Variants in MGAT5 observed in about 807,000 individuals in gnomAD.
MGAT5 encodes alpha-1,6-mannosylglycoprotein 6-beta-N-acetylglucosaminyltransferase A.
MGAT5 carries 30 observed loss-of-function variants against 94.3 expected under a neutral mutation model. The observed-to-expected ratio is 0.32, with a 90% CI of 0.24 to 0.43. The LOEUF is 0.43. MGAT5 is among the 20% of genes least tolerant of loss of function. The pLI is 1.00. For synonymous variants in MGAT5, 310 were observed against 322.9 expected (o/e 0.96, Z 0.43); for missense variants, 691 against 905.5 (o/e 0.76, Z 3.04).
At chr2:134,131,195 T>A (rs1686144559) in intron 1 of MGAT5, among the ~76,000 whole-genome samples, 1 of 152,120 alleles carries the variant, frequency 6.6e-6, no homozygotes, top group Non-Finnish European at 1.5e-5. Context: ...TCCGAACATG[T>A]CCGAACATCA....
intron 2 of MGAT5, among the ~76,000 whole-genome samples, chr2:134,270,926 G>A (rs910329088): frequency 1.3e-5 from 2 of 152,150 alleles, no homozygotes; most frequent in African/African-American, 4.8e-5. Flanking sequence ...AGTCTGTTAC[G>A]TATAATAGGT....
chr2:134,186,578 A>G (rs1267456075), intron 1 of MGAT5, among the ~76,000 whole-genome samples: 1 of 152,122 alleles, frequency 6.6e-6, no homozygotes, highest in African/African-American at 2.4e-5. Flanking sequence ...GAGCACGTTA[A>G]TTGGAGCAGT....
rs1186490113 is a variant in MGAT5 at position 134,270,464 on chromosome 2, T to C, written c.320T>C (p.Leu107Pro). 6.2e-7 allele frequency: 1 copy of C among 1,614,164 alleles called. No homozygotes were observed. The highest frequency in any genetic ancestry group is 8.5e-7 in the Non-Finnish European group (1 of 1,179,970). ...AAGTTGGAGTCGAAGGTGGACAATC[T>C]TGTTGTCAATGGCACCGGAACAAAC... ...IGKLESKVDN[L>P]VVNGTGTNST... The change falls in exon 2 of 16, where the codon CTT becomes CCT. Residue 107 changes from leucine to proline, a missense_variant. Physicochemically the swap from Leu to Pro is moderately conservative, Grantham distance 98. Coordinates refer to ENST00000281923, the MANE Select transcript of MGAT5 (RefSeq NM_002410.5).
At chr2:134,157,312 A>G (rs1466623224) in intron 1 of MGAT5, among the ~76,000 whole-genome samples, 1 of 152,208 alleles carries the variant, frequency 6.6e-6, no homozygotes, top group Non-Finnish European at 1.5e-5. Flanking sequence ...GGGACTCTGT[A>G]CTATCTTTGC....
chr2:134,156,548 C>G (rs1159149164), intron 1 of MGAT5, among the ~76,000 whole-genome samples: 1 of 152,120 alleles, frequency 6.6e-6, no homozygotes, highest in Non-Finnish European at 1.5e-5. Context: ...AAGCAAGGAT[C>G]CCAGTGGTTT....
rs76018072 is a variant in MGAT5 at position 134,187,278 on chromosome 2, C to T, written c.-142-66984C>T. On this transcript the variant is annotated intron_variant, in intron 1 of 16. Transcript: ENST00000409645. ...GTTTTTACAAGGATCATTCCGCTTGCATGGAGAATTGTCTGTAAGGGGCAA... is the reference window on the plus strand; with the variant it reads ...GTTTTTACAAGGATCATTCCGCTTGTATGGAGAATTGTCTGTAAGGGGCAA... Among the ~76,000 whole-genome samples the T allele has an allele frequency of 5.8e-3, 887 of 152,190 alleles. 14 individuals are homozygous for T. Among genetic ancestry groups the T allele is most frequent in the East Asian group, 0.04 (208 of 5,154 alleles).
rs5834402 is a variant in MGAT5, at chr2:134,182,780, G to GTTT, written c.-143+62511_-143+62513dup. Among the ~76,000 whole-genome samples, 725 of 87,058 alleles carry GTTT rather than the reference G, an allele frequency of 8.3e-3. 3 individuals are homozygous for GTTT. The highest frequency in any genetic ancestry group is 0.011 in the Non-Finnish European group (484 of 46,090). 57.1% of individuals were successfully genotyped at this position (87,058 alleles called of 152,430 possible). A position where few individuals can be genotyped will look rare whatever the true frequency, so the allele number is the denominator to read the frequency against. On this transcript the variant is annotated intron_variant, in intron 1 of 16. Coordinates refer to the MGAT5 transcript ENST00000409645. ...TTATATAGTGCATGTTAGAAGATTA[G>GTTT]TTTTTTTTTTTTTTTTTTTTTTTTG...
chr2:134,239,878 G>A (rs1400396159), intron 1 of MGAT5, among the ~76,000 whole-genome samples: 1 of 152,052 alleles, frequency 6.6e-6, no homozygotes, highest in Non-Finnish European at 1.5e-5. Flanking sequence ...AATGAGTCAG[G>A]AGTGGGATTT....
chr2:134,198,987 C>T (rs2105271762), intron 1 of MGAT5, among the ~76,000 whole-genome samples: 1 of 152,280 alleles, frequency 6.6e-6, no homozygotes, highest in Non-Finnish European at 1.5e-5. Context: ...ATTCTTGTGG[C>T]ACATTGTCTT....
intron 10 of MGAT5, among the ~76,000 whole-genome samples, chr2:134,402,669 G>A (rs1382803545): frequency 6.6e-6 from 1 of 152,160 alleles, no homozygotes; most frequent in Non-Finnish European, 1.5e-5. Flanking sequence ...TACAAAGCAA[G>A]GATGATATTT....
intron 10 of MGAT5, among the ~76,000 whole-genome samples, chr2:134,386,153 C>G (rs1319598185): frequency 2.0e-5 from 3 of 152,114 alleles, no homozygotes; most frequent in African/African-American, 7.2e-5. Flanking sequence ...AATTAGCTTG[C>G]AGTTGGACCA....
chr2:134,384,737 AAG>A (rs1313453196), intron 10 of MGAT5, among the ~76,000 whole-genome samples: 1 of 152,006 alleles, frequency 6.6e-6, no homozygotes, highest in Non-Finnish European at 1.5e-5. Context: ...TGATAAAAGT[AAG>A]GGCCAAACCA....
intron 1 of MGAT5, among the ~76,000 whole-genome samples, chr2:134,159,398 C>T (rs1687628485): frequency 6.6e-6 from 1 of 152,100 alleles, no homozygotes; most frequent in African/African-American, 2.4e-5. Context: ...GACAAGATTG[C>T]TCAGACAGAA....
chr2:134,388,633 A>G (rs949908720), intron 10 of MGAT5, among the ~76,000 whole-genome samples: 3 of 152,176 alleles, frequency 2.0e-5, no homozygotes, highest in Non-Finnish European at 4.4e-5. Context: ...TTGTTATACC[A>G]GGTTATTTAT....
chr2:134,383,687 T>C (rs1681771942), intron 10 of MGAT5, among the ~76,000 whole-genome samples: 1 of 152,092 alleles, frequency 6.6e-6, no homozygotes, highest in South Asian at 2.1e-4. Flanking sequence ...CACCTGTTTT[T>C]GTATAGCCAA....
intron 10 of MGAT5, among the ~76,000 whole-genome samples, chr2:134,366,593 C>G (rs1573930136): frequency 6.6e-6 from 1 of 152,192 alleles, no homozygotes; most frequent in Admixed American, 6.5e-5. Flanking sequence ...CCTCAGGTTC[C>G]TAGCCTGTAA....
intron 1 of MGAT5, among the ~76,000 whole-genome samples, chr2:134,240,561 T>TA (rs1372593717): frequency 6.6e-6 from 1 of 151,972 alleles, no homozygotes; most frequent in Non-Finnish European, 1.5e-5. Flanking sequence ...TACATTATAA[T>TA]AAAAAAAATT....
chr2:134,413,641 G>C (rs1282714355), intron 12 of MGAT5, among the ~76,000 whole-genome samples: 1 of 152,194 alleles, frequency 6.6e-6, no homozygotes, highest in Non-Finnish European at 1.5e-5. Flanking sequence ...TTACAGCTAC[G>C]TGTGAGTGAT....
At chr2:134,379,272 C>T (rs1454274608) in intron 10 of MGAT5, among the ~76,000 whole-genome samples, 5 of 152,200 alleles carry the variant, frequency 3.3e-5, no homozygotes, top group Non-Finnish European at 7.3e-5. Context: ...ATTTTATCAT[C>T]TTGTGATGAC....
Sources: allele counts gnomAD v4.1 joint callset (sites outside exome capture counted in the v4.1 genomes callset), GRCh38; gene constraint gnomAD v4.1.1; transcripts MANE v1.5; gene names NCBI Gene and HGNC (gene_info 2026-07-23, HGNC 2026-07-21).